The following CRYZ variants were observed in gnomAD, a reference collection of about 807,000 sequenced individuals.
The protein encoded by CRYZ is crystallin zeta.
CRYZ carries 35 observed loss-of-function variants against 34.1 expected under a neutral mutation model. The observed-to-expected ratio is 1.03, with a 90% CI of 0.78 to 1.36. CRYZ has a LOEUF of 1.36. Ranked by LOEUF, CRYZ falls within the 40% of genes most tolerant of loss-of-function variation. The pLI, the probability that CRYZ is intolerant of heterozygous loss-of-function variation, is 0.00. For missense variants in CRYZ, 403 were observed against 391.8 expected (o/e 1.03, Z -0.24); for synonymous variants, 137 against 136.5 (o/e 1.00, Z -0.03).
chr1:74,714,501 T>C, intron 5 of CRYZ, 78 bp downstream of exon 5: 1 of 1,392,460 alleles, frequency 7.2e-7, no homozygotes, highest in Non-Finnish European at 1.0e-6. Flanking sequence ...ATCTGACTTT[T>C]AAAAATGACC....
At chr1:74,724,664 T>C in intron 2 of CRYZ, 47 bp downstream of exon 2, 2 of 1,163,928 alleles carry the variant, frequency 1.7e-6, no homozygotes, top group Non-Finnish European at 2.5e-6. Context: ...TGCAAGAGAC[T>C]CACACTCAGT....
chr1:74,706,495 C>T (rs1306580994), intron 8 of CRYZ, 38 bp from the exon 9 acceptor site: 1 of 1,549,696 alleles, frequency 6.5e-7, no homozygotes, highest in South Asian at 1.2e-5. Context: ...TTGTAGTGAA[C>T]CGTATGATTT....
At chr1:74,707,261 C>T (rs2100689019) in intron 6 of CRYZ, 57 bp from the exon 7 acceptor site, 2 of 908,464 alleles carry the variant, frequency 2.2e-6, no homozygotes, top group Admixed American at 2.3e-5. Context: ...TGTAAAATAG[C>T]TACTATCTGT....
At chr1:74,715,722 A>T (rs1469645860) in intron 4 of CRYZ, among the ~76,000 whole-genome samples, 2 of 152,160 alleles carry the variant, frequency 1.3e-5, no homozygotes, top group Non-Finnish European at 2.9e-5. Flanking sequence ...TTCTTATAAG[A>T]TGCCCCTCAA....
chr1:74,711,728 G>C (rs982280261), intron 5 of CRYZ, among the ~76,000 whole-genome samples: 3 of 152,072 alleles, frequency 2.0e-5, no homozygotes, highest in Non-Finnish European at 4.4e-5. Flanking sequence ...ACTCCAGTCT[G>C]GGCAACGGAG....
chr1:74,706,241 C>A lies in CRYZ; in HGVS notation c.*55G>T. 2 of 1,415,746 alleles carry A rather than the reference C, an allele frequency of 1.4e-6. No individual in the cohort carries two copies. The highest frequency in any genetic ancestry group is 2.4e-5 in the Admixed American group (1 of 41,990). The allele number at this position is 1,415,746 out of a possible 1,614,324, so 87.7% of individuals were successfully genotyped here. A position where few individuals can be genotyped will look rare whatever the true frequency, so the allele number is the denominator to read the frequency against. On this transcript the variant is annotated 3_prime_UTR_variant, in exon 9 of 9. Coordinates refer to ENST00000340866, the MANE Select transcript of CRYZ (RefSeq NM_001889.4). ...TAAAGAAAAGATAGGGTAAGTACAA[C>A]TGGGGGAAAGACAGTACCTCTAATT...
chr1:74,728,386 T>G (rs553489111), intron 1 of CRYZ, among the ~76,000 whole-genome samples: 3 of 152,144 alleles, frequency 2.0e-5, no homozygotes, highest in African/African-American at 7.2e-5. Flanking sequence ...TTAGAAAAAT[T>G]TTTGTACCTG....
At chr1:74,723,323 C>A (rs1312107462) in intron 2 of CRYZ, 53 bp from the exon 3 acceptor site, 7 of 1,567,820 alleles carry the variant, frequency 4.5e-6, no homozygotes, top group Non-Finnish European at 6.1e-6. Flanking sequence ...ATTCATTTAA[C>A]TTTATGCTAG....
At position 74,710,031 on chromosome 1, in the gene CRYZ, T is replaced by A. The variant is rs1464546426; in HGVS notation, c.630+67A>T. 2.8e-6 allele frequency: 4 copies of A among 1,413,186 alleles called. No individual in the cohort carries two copies. The African/African-American group carries it at 4.3e-5, about 15-fold the overall frequency. 87.5% of individuals were successfully genotyped at this position (1,413,186 alleles called of 1,614,324 possible). A position where few individuals can be genotyped will look rare whatever the true frequency, so the allele number is the denominator to read the frequency against. On this transcript the variant is annotated intron_variant, in intron 6 of 8. Coordinates refer to ENST00000340866, the MANE Select transcript of CRYZ (RefSeq NM_001889.4). ...TTAAAGGAGTAGTTGGTTAAAAACA[T>A]ATTAAAAAACCACGCAAGTCTCCAA...
intron 4 of CRYZ, among the ~76,000 whole-genome samples, chr1:74,717,484 G>A (rs536431837): frequency 6.6e-6 from 1 of 152,202 alleles, no homozygotes; most frequent in South Asian, 2.1e-4. Flanking sequence ...TTTGACAGCT[G>A]GCCTCCCTCC....
chr1:74,722,421 C>A (rs1300873578), intron 3 of CRYZ, among the ~76,000 whole-genome samples: 3 of 152,034 alleles, frequency 2.0e-5, no homozygotes, highest in African/African-American at 7.2e-5. Context: ...AGCCAGGTTG[C>A]CACAAGCTGA....
At chr1:74,730,038 C>A (rs1647624038) in intron 1 of CRYZ, among the ~76,000 whole-genome samples, 1 of 152,120 alleles carries the variant, frequency 6.6e-6, no homozygotes, top group Admixed American at 6.5e-5. Flanking sequence ...CTACTTCCTA[C>A]ATATTTCTTT....
chr1:74,721,668 G>A (rs1326659208), intron 3 of CRYZ, among the ~76,000 whole-genome samples: 1 of 152,182 alleles, frequency 6.6e-6, no homozygotes, highest in Non-Finnish European at 1.5e-5. Context: ...AGAGAAAACA[G>A]TTCTAGTAAG....
At chr1:74,724,644 T>A in intron 2 of CRYZ, 67 bp downstream of exon 2, 1 of 992,508 alleles carries the variant, frequency 1.0e-6, no homozygotes, top group Non-Finnish European at 1.5e-6. Context: ...TGCTTCTTTT[T>A]AATACAATGT....
rs1362020971 is a variant in CRYZ at position 74,710,171 on chromosome 1, T to C, written c.557A>G (p.Gln186Arg). ...ILGTAGTEEG[Q>R]KIVLQNGAHE... is the part of the protein sequence containing the mutation. ...GGCTCCATTTTGCAAAACAATCTTT[T>C]GTCCTTCCTCAGTACCAGCAGTGCC... Residue 186 changes from glutamine to arginine, a missense_variant, in exon 6 of 9, where the codon CAA becomes CGA. By Grantham distance (43) the Gln-to-Arg change is conservative (BLOSUM62 1). Coordinates refer to ENST00000340866, the MANE Select transcript of CRYZ (RefSeq NM_001889.4). 3.1e-6 allele frequency: 5 copies of C among 1,613,816 alleles called. No homozygotes were observed. Among genetic ancestry groups the C allele is most frequent in the Non-Finnish European group, 4.2e-6 (5 of 1,179,854 alleles).
At chr1:74,708,636 C>T (rs1231159436) in intron 6 of CRYZ, 1 of 152,014 alleles carries the variant, frequency 6.6e-6, no homozygotes, top group Non-Finnish European at 1.5e-5. Context: ...AATTAAAAGA[C>T]AGGAAAAACA....
chr1:74,711,194 GA>G (rs974692603), intron 5 of CRYZ, among the ~76,000 whole-genome samples: 23 of 152,314 alleles, frequency 1.5e-4, no homozygotes, highest in Admixed American at 5.9e-4. Flanking sequence ...CACAGAATCT[GA>G]GGGGTGAGGG....
Position 74,725,020 on chromosome 1 carries a change from C to A in CRYZ, c.-13-186G>T, listed in dbSNP as rs182868625. On this transcript the variant is annotated intron_variant, in intron 1 of 8. Coordinates refer to ENST00000340866, the MANE Select transcript of CRYZ (RefSeq NM_001889.4). Reference sequence around the variant, plus strand: ...AAATCCCTCAGCTATAAAGCAGAATCCTTCATGCTACTTCCTGCAGGGATT... The same window carrying A: ...AAATCCCTCAGCTATAAAGCAGAATACTTCATGCTACTTCCTGCAGGGATT... Among the ~76,000 whole-genome samples the A allele has an allele frequency of 2.8e-4, 42 of 152,278 alleles. 2 individuals carry two copies. In the East Asian group the frequency reaches 7.5e-3, roughly 27 times the overall value.
intron 2 of CRYZ, among the ~76,000 whole-genome samples, chr1:74,724,139 G>C (rs1165311595): frequency 6.6e-6 from 1 of 152,186 alleles, no homozygotes; most frequent in South Asian, 2.1e-4. Context: ...TCTCTACATG[G>C]AGAGGAAGTG....
Sources: gnomAD v4.1 joint callset for allele counts (sites outside exome capture counted in the v4.1 genomes callset) on GRCh38, gnomAD v4.1.1 for gene constraint, MANE v1.5 for transcripts, NCBI Gene and HGNC (gene_info 2026-07-23, HGNC 2026-07-21) for gene names.